Variants in PTPRQ observed in about 807,000 individuals in gnomAD.
PTPRQ encodes the protein protein tyrosine phosphatase receptor type Q, also known as phosphatidylinositol phosphatase PTPRQ.
In PTPRQ, 199 loss-of-function variants were observed where a neutral mutation model predicts 246.0. The observed-to-expected ratio is 0.81, with a 90% confidence interval of 0.72 to 0.91. The LOEUF is 0.91. Among genes scored for constraint, PTPRQ ranks in the 40% least tolerant of loss-of-function variants. The pLI is 0.00. For synonymous variants in PTPRQ, 869 were observed against 853.2 expected (o/e 1.02, Z -0.32); for missense variants, 2,624 against 2,528.4 (o/e 1.04, Z -0.81).
intron 7 of PTPRQ, among the ~76,000 whole-genome samples, chr12:80,471,105 A>G (rs2120540206): frequency 6.6e-6 from 1 of 152,296 alleles, no homozygotes; most frequent in South Asian, 2.1e-4. Context: ...GACAACTGTG[A>G]GGGCTAGTGG....
chr12:80,467,275 A>G (rs1283126588), intron 6 of PTPRQ, among the ~76,000 whole-genome samples: 1 of 152,152 alleles, frequency 6.6e-6, no homozygotes, highest in African/African-American at 2.4e-5. Context: ...ATCACTGGCC[A>G]TCAGATAAAT....
chr12:80,501,610 A>C (rs1325521862), intron 14 of PTPRQ, among the ~76,000 whole-genome samples: 1 of 151,994 alleles, frequency 6.6e-6, no homozygotes, highest in Admixed American at 6.6e-5. Context: ...ACTGGACAAC[A>C]GGGGGAGACG....
At chr12:80,538,597 C>A (rs1463382245) in intron 19 of PTPRQ, among the ~76,000 whole-genome samples, 1 of 152,122 alleles carries the variant, frequency 6.6e-6, no homozygotes, top group Non-Finnish European at 1.5e-5. Context: ...ATGTAAATCA[C>A]CACAAAATTG....
Position 80,455,389 on chromosome 12 carries a change from T to C in PTPRQ, c.391-2186T>C, listed in dbSNP as rs76856506. Among the ~76,000 whole-genome samples, 1,046 of 152,314 alleles carry C rather than the reference T, an allele frequency of 6.9e-3. 14 individuals are homozygous for C. Among genetic ancestry groups the C allele is most frequent in the African/African-American group, 0.024 (1,009 of 41,578 alleles). Reference sequence around the variant, plus strand: ...TAACTGAAAATATTTCATTTTAAAATAAAACTTATAGTTAGCTTTTCATTT... The same window carrying C: ...TAACTGAAAATATTTCATTTTAAAACAAAACTTATAGTTAGCTTTTCATTT... On this transcript the variant is annotated intron_variant, in intron 3 of 44. Transcript: ENST00000644991.
intron 19 of PTPRQ, among the ~76,000 whole-genome samples, chr12:80,537,314 T>C (rs975213694): frequency 6.6e-6 from 1 of 152,200 alleles, no homozygotes; most frequent in African/African-American, 2.4e-5. Context: ...AATAAGTGTA[T>C]ACCTTTTTAT....
intron 18 of PTPRQ, 132 bp downstream of exon 18, chr12:80,534,307 C>A (rs1221460528): frequency 5.0e-6 from 5 of 1,006,928 alleles, no homozygotes; most frequent in Non-Finnish European, 6.8e-6. Context: ...TGAAAAATTG[C>A]ATTTTGATCA....
At position 80,468,847 on chromosome 12, in the gene PTPRQ, T is replaced by G. The variant is rs553249132; in HGVS notation, c.1039+9T>G. The stretch of plus-strand genomic sequence containing the variant: ...ATTATATGGACCATCAGGTAAGCCT[T>G]AATTGGTTTTGTGTTTGCCTTTTGG... On this transcript the variant is annotated intron_variant, in intron 7 of 44. Coordinates refer to ENST00000644991, the MANE Select transcript of PTPRQ (RefSeq NM_001145026.2). 82 of 1,544,860 alleles carry G rather than the reference T, an allele frequency of 5.3e-5. No individual in the cohort carries two copies. In the East Asian group the frequency reaches 1.2e-3, roughly 22 times the overall value.
At chr12:80,590,680 A>C (rs991479061) in intron 26 of PTPRQ, among the ~76,000 whole-genome samples, 9 of 151,442 alleles carry the variant, frequency 5.9e-5, no homozygotes, top group East Asian at 3.9e-4. Flanking sequence ...AAAAAAAAAA[A>C]AAAAAAAAAA....
chr12:80,545,575 C>G (rs1011776625), intron 23 of PTPRQ, among the ~76,000 whole-genome samples: 1 of 151,710 alleles, frequency 6.6e-6, no homozygotes, highest in East Asian at 1.9e-4. Context: ...AAACTTTGTA[C>G]TTAATGATAA....
At chr12:80,468,512 T>A (rs1893515273) in intron 6 of PTPRQ, among the ~76,000 whole-genome samples, 198 bp from the exon 7 acceptor site, 1 of 152,160 alleles carries the variant, frequency 6.6e-6, no homozygotes, top group Non-Finnish European at 1.5e-5. Flanking sequence ...TAAAAATAAG[T>A]TTATCTGATG....
At chr12:80,619,002 C>G (rs1312830675) in intron 30 of PTPRQ, among the ~76,000 whole-genome samples, 2 of 151,328 alleles carry the variant, frequency 1.3e-5, no homozygotes, top group Non-Finnish European at 3.0e-5. Context: ...ATGACTAGAA[C>G]AGAAATTAGT....
intron 42 of PTPRQ, 36 bp from the exon 43 acceptor site, chr12:80,673,133 G>A: frequency 6.5e-7 from 1 of 1,547,046 alleles, no homozygotes; most frequent in Admixed American, 2.0e-5. Context: ...ACAACCCTTT[G>A]CTGAATAATT....
chr12:80,573,350 A>G (rs976749734), intron 25 of PTPRQ, among the ~76,000 whole-genome samples: 5 of 152,180 alleles, frequency 3.3e-5, no homozygotes, highest in East Asian at 1.9e-4. Flanking sequence ...TTAGCCGGGC[A>G]TGGTGGCGGG....
intron 27 of PTPRQ, among the ~76,000 whole-genome samples, chr12:80,609,488 A>C (rs954154079): frequency 1.3e-5 from 2 of 150,592 alleles, no homozygotes; most frequent in African/African-American, 4.8e-5. Context: ...AGGATTTTGA[A>C]TTTTCTCATG....
At chr12:80,642,939 A>AAAC (rs1565837063) in intron 35 of PTPRQ, among the ~76,000 whole-genome samples, 2 of 144,610 alleles carry the variant, frequency 1.4e-5, no homozygotes, top group African/African-American at 5.7e-5. Context: ...AAAAAAAAAA[A>AAAC]AAAAAAACAA....
chr12:80,463,452 T>C (rs1419860928), intron 6 of PTPRQ, among the ~76,000 whole-genome samples: 4 of 152,200 alleles, frequency 2.6e-5, no homozygotes, highest in Admixed American at 2.6e-4. Flanking sequence ...TGCAGGATGT[T>C]ATCCAGGAGA....
intron 39 of PTPRQ, among the ~76,000 whole-genome samples, chr12:80,661,536 C>T (rs1900631371): frequency 6.6e-6 from 1 of 151,332 alleles, no homozygotes; most frequent in Admixed American, 6.6e-5. Context: ...TATGTACACA[C>T]ATATATGTAC....
At chr12:80,493,012 C>G (rs541149479) in intron 9 of PTPRQ, among the ~76,000 whole-genome samples, 7 of 151,986 alleles carry the variant, frequency 4.6e-5, no homozygotes, top group African/African-American at 1.2e-4. Flanking sequence ...GAAACCAACT[C>G]AAGTCAGAAC....
chr12:80,618,412 A>G (rs951099496), intron 30 of PTPRQ, among the ~76,000 whole-genome samples: 3 of 150,576 alleles, frequency 2.0e-5, no homozygotes, highest in African/African-American at 7.3e-5. Context: ...ACAGTGAGCT[A>G]TAAGACCAAA....
Sources: gnomAD v4.1 joint callset for allele counts (sites outside exome capture counted in the v4.1 genomes callset) on GRCh38, gnomAD v4.1.1 for gene constraint, MANE v1.5 for transcripts, NCBI Gene and HGNC (gene_info 2026-07-23, HGNC 2026-07-21) for gene names.